Variants in VASH2 observed in about 807,000 individuals in gnomAD.
VASH2 encodes vasohibin 2, also known as tubulinyl-Tyr carboxypeptidase 2.
VASH2 carries 28 observed loss-of-function variants against 37.2 expected under a neutral mutation model. The observed-to-expected ratio is 0.75, with a 90% confidence interval of 0.56 to 1.03. The LOEUF (loss-of-function observed/expected upper bound fraction) is 1.03, where lower values mean the gene tolerates loss of function less well. VASH2 is among the 50% of genes least tolerant of loss of function. The probability of loss-of-function intolerance (pLI) is 0.00; values close to 1 mark genes in which losing one functional copy is unlikely to be tolerated. For missense variants in VASH2, 419 were observed against 459.1 expected (o/e 0.91, Z 0.80); for synonymous variants, 188 against 174.7 (o/e 1.08, Z -0.60).
intron 5 of VASH2, chr1:212,967,337 G>T: frequency 1.6e-6 from 2 of 1,227,146 alleles, no homozygotes; most frequent in Admixed American, 5.3e-5. Flanking sequence ...CTTTGAAATT[G>T]TGGGGATAGA....
At position 212,962,979 on chromosome 1, in the gene VASH2, T is replaced by C. The variant is rs1049664829; in HGVS notation, c.365+1725T>C. Reference sequence around the variant, plus strand: ...GCAATTAGAATGCCTCCCCATCTCTTTTTTTTTTTTAACTTAAAGTCAACT... The same window carrying C: ...GCAATTAGAATGCCTCCCCATCTCTCTTTTTTTTTTAACTTAAAGTCAACT... On this transcript the variant is annotated intron_variant, in intron 3 of 7. Coordinates refer to ENST00000517399, the MANE Select transcript of VASH2 (RefSeq NM_001301056.2). 3.0e-4 allele frequency among the ~76,000 whole-genome samples: 35 copies of C among 116,180 alleles called. No homozygotes were observed. The South Asian group carries it at 5.7e-3, about 19-fold the overall frequency. 76.2% of individuals were successfully genotyped at this position (116,180 alleles called of 152,430 possible).
intron 7 of VASH2, among the ~76,000 whole-genome samples, chr1:212,983,152 C>A (rs1338396368): frequency 6.6e-6 from 1 of 152,176 alleles, no homozygotes; most frequent in Non-Finnish European, 1.5e-5. Flanking sequence ...AGATGAATTT[C>A]CCTGGTCCCT....
chr1:212,975,100 C>T (rs1667129471), intron 7 of VASH2, among the ~76,000 whole-genome samples: 1 of 152,140 alleles, frequency 6.6e-6, no homozygotes, highest in South Asian at 2.1e-4. Flanking sequence ...GAAACCAGGA[C>T]ACAAAAAGGG....
intron 4 of VASH2, 181 bp from the exon 5 acceptor site, chr1:212,966,090 G>GCACTAACTC: frequency 3.2e-6 from 2 of 622,222 alleles, no homozygotes; most frequent in Non-Finnish European, 5.7e-6. Flanking sequence ...TGGAGTACTG[G>GCACTAACTC]CACTAACTCC....
At chr1:212,973,393 A>AC (rs1667069870) in intron 6 of VASH2, 2 of 1,291,824 alleles carry the variant, frequency 1.5e-6, no homozygotes, top group African/African-American at 3.0e-5. Flanking sequence ...CTCCAAAGTG[A>AC]TGTGATTCCC....
At position 212,988,885 on chromosome 1, in the gene VASH2, G is replaced by C. The variant is rs1435383273; in HGVS notation, c.*301G>C. The stretch of plus-strand genomic sequence containing the variant: ...TCCATTTACCTACTTTCTTTTACTT[G>C]CTTTGAACATTATGCCTCACCAATA... On this transcript the variant is annotated 3_prime_UTR_variant, in exon 8 of 8. Coordinates refer to ENST00000517399, the MANE Select transcript of VASH2 (RefSeq NM_001301056.2). The C allele has an allele frequency of 6.0e-6, 2 of 333,892 alleles. No individual in the cohort carries two copies. The highest frequency in any genetic ancestry group is 1.2e-5 in the Non-Finnish European group (2 of 173,084). 20.7% of individuals were successfully genotyped at this position (333,892 alleles called of 1,614,324 possible). A position where few individuals can be genotyped will look rare whatever the true frequency, so the allele number is the denominator to read the frequency against.
At chr1:212,987,518 G>A (rs1024941757) in intron 7 of VASH2, among the ~76,000 whole-genome samples, 1 of 152,182 alleles carries the variant, frequency 6.6e-6, no homozygotes, top group Non-Finnish European at 1.5e-5. Flanking sequence ...AGGTTGCAGT[G>A]AGCCAAGATT....
Position 212,951,002 on chromosome 1 carries a change from G to T in VASH2, c.-205+262G>T, listed in dbSNP as rs1165870306. Among the ~76,000 whole-genome samples, 1 of 152,232 alleles carries T rather than the reference G, an allele frequency of 6.6e-6. No individual in the cohort carries two copies. The highest frequency in any genetic ancestry group is 1.5e-5 in the Non-Finnish European group (1 of 68,044). ...CCCTCCTCTCTTGGCCACATCTGAG[G>T]ACCCAGGAATGTGTGGAGCCTTGCG... is the stretch of plus-strand genomic sequence containing the variant. On this transcript the variant is annotated intron_variant, in intron 1 of 7. Transcript: ENST00000517399. The surrounding 1 kb of genome is among the most constrained non-coding windows in gnomAD (Gnocchi z 4.4).
chr1:212,985,419 C>CT (rs144366214), intron 7 of VASH2, among the ~76,000 whole-genome samples: 5,469 of 135,642 alleles, frequency 0.04, 139 homozygotes, highest in Admixed American at 0.057. Context: ...TAGAGACCAT[C>CT]TTTTTTTTTT....
chr1:212,987,742 G>A (rs1010109722), intron 7 of VASH2, among the ~76,000 whole-genome samples: 1 of 152,204 alleles, frequency 6.6e-6, no homozygotes, highest in Non-Finnish European at 1.5e-5. Flanking sequence ...GTGAGAAGAG[G>A]CTCATTAAGA....
In VASH2 at chr1:212,951,906, A is replaced by G; in HGVS notation, c.276+88A>G. On this transcript the variant is annotated intron_variant, in intron 2 of 7. Coordinates refer to ENST00000517399, the MANE Select transcript of VASH2 (RefSeq NM_001301056.2). This position sits in a 1 kb window ranked among gnomAD's most constrained non-coding sequence, Gnocchi z 4.4. ...CAGCCTATACATAGCAAACACAGGC[A>G]ATCTCCATTTTCCTAGTCCTGCTAC... is the stretch of plus-strand genomic sequence containing the variant. The G allele has an allele frequency of 1.4e-6, 2 of 1,424,782 alleles. No homozygotes were observed. The highest frequency in any genetic ancestry group is 1.9e-6 in the Non-Finnish European group (2 of 1,061,752). 88.3% of individuals were successfully genotyped at this position (1,424,782 alleles called of 1,614,324 possible). A position where few individuals can be genotyped will look rare whatever the true frequency, so the allele number is the denominator to read the frequency against.
chr1:212,967,417 G>T, intron 5 of VASH2: 1 of 1,188,216 alleles, frequency 8.4e-7, no homozygotes, highest in South Asian at 1.6e-5. Flanking sequence ...GAAGTCCTAT[G>T]GGATGGATGG....
chr1:212,988,829 A>G lies in VASH2; in HGVS notation c.*245A>G. 1 of 487,080 alleles carries G rather than the reference A, an allele frequency of 2.1e-6. No homozygotes were observed. Among genetic ancestry groups the G allele is most frequent in the Non-Finnish European group, 3.7e-6 (1 of 267,556 alleles). The allele number at this position is 487,080 out of a possible 1,614,324, so 30.2% of individuals were successfully genotyped here. ...GACTATGTCCCTCACTCAAGATCTT[A>G]AGGATAACCGTAACTGAAGTTTTAT... On this transcript the variant is annotated 3_prime_UTR_variant, in exon 8 of 8. Coordinates refer to ENST00000517399, the MANE Select transcript of VASH2 (RefSeq NM_001301056.2).
chr1:212,955,541 G>A (rs1298736904), intron 2 of VASH2, among the ~76,000 whole-genome samples: 2 of 152,178 alleles, frequency 1.3e-5, no homozygotes, highest in African/African-American at 2.4e-5. Flanking sequence ...CAGCCCAGAA[G>A]AAAACAGTGG....
At chr1:212,980,023 G>A (rs74140544) in intron 7 of VASH2, among the ~76,000 whole-genome samples, 3,060 of 152,240 alleles carry the variant, frequency 0.02, 105 homozygotes, top group African/African-American at 0.069. Context: ...AGGTGGAAGC[G>A]TTTGCTTCTC....
chr1:212,971,658 G>A lies in VASH2; in HGVS notation c.498-922G>A, dbSNP rs1271389202. On this transcript the variant is annotated intron_variant, in intron 5 of 7. Transcript: ENST00000517399. This position sits in a 1 kb window ranked among gnomAD's most constrained non-coding sequence, Gnocchi z 4.0. Reference sequence around the variant, plus strand: ...ACATGATAAAGTGAAGAGAAAGCAAGTACAAAACTGCTTTCTTTCTAGAGA... The same window carrying A: ...ACATGATAAAGTGAAGAGAAAGCAAATACAAAACTGCTTTCTTTCTAGAGA... 6.6e-6 allele frequency among the ~76,000 whole-genome samples: 1 copy of A among 152,188 alleles called. No homozygotes were observed. The highest frequency in any genetic ancestry group is 2.4e-5 in the African/African-American group (1 of 41,446).
At chr1:212,967,045 C>G (rs61832432) in intron 5 of VASH2, 1 of 1,263,888 alleles carries the variant, frequency 7.9e-7, no homozygotes, top group South Asian at 1.2e-5. Context: ...GCGCCTGGCT[C>G]GCCAGGGAAA....
intron 7 of VASH2, among the ~76,000 whole-genome samples, chr1:212,985,828 C>T (rs767369430): frequency 5.9e-5 from 9 of 152,176 alleles, no homozygotes; most frequent in Non-Finnish European, 1.2e-4. Flanking sequence ...CTTTTGAAGA[C>T]GTGTCCTACT....
intron 7 of VASH2, among the ~76,000 whole-genome samples, chr1:212,979,403 C>T (rs1011969974): frequency 3.9e-5 from 6 of 152,134 alleles, no homozygotes; most frequent in Admixed American, 6.5e-5. Context: ...AAGGCCATCG[C>T]GTCATTTCTA....
Sources: allele counts gnomAD v4.1 joint callset (sites outside exome capture counted in the v4.1 genomes callset), GRCh38; gene constraint gnomAD v4.1.1; non-coding constraint Gnocchi (gnomAD v3.1); transcripts MANE v1.5; gene names NCBI Gene and HGNC (gene_info 2026-07-23, HGNC 2026-07-21).